The following PHLDB2 variants were observed in gnomAD, a reference collection of about 807,000 sequenced individuals.
The protein encoded by PHLDB2 is pleckstrin homology-like domain family B member 2.
In PHLDB2, 71 loss-of-function variants were observed where a neutral mutation model predicts 123.6. That is an observed-to-expected ratio of 0.57 (90% CI 0.47 to 0.70). The LOEUF is 0.70. PHLDB2 is among the 30% of genes least tolerant of loss of function. The pLI is 0.00. For synonymous variants in PHLDB2, 547 were observed against 541.6 expected, an observed-to-expected ratio of 1.01 and a Z score of -0.14; for missense variants, 1,446 against 1,519.5, an observed-to-expected ratio of 0.95 and a Z score of 0.80.
At chr3:111,881,792 A>G (rs1181868421) in intron 1 of PHLDB2, among the ~76,000 whole-genome samples, 1 of 134,846 alleles carries the variant, frequency 7.4e-6, no homozygotes, top group Admixed American at 7.4e-5. Context: ...TTTTTTCAGT[A>G]TTTCTAGGCT....
chr3:111,800,408 T>A (rs1361559496), intron 1 of PHLDB2, among the ~76,000 whole-genome samples: 2 of 152,222 alleles, frequency 1.3e-5, no homozygotes, highest in African/African-American at 4.8e-5. Flanking sequence ...ATTTTAAAAT[T>A]ATGGAGAGGT....
chr3:111,795,536 A>G (rs866072652), intron 1 of PHLDB2, among the ~76,000 whole-genome samples: 18 of 152,152 alleles, frequency 1.2e-4, no homozygotes, highest in African/African-American at 4.3e-4. Flanking sequence ...TCCCTACAAT[A>G]TTTATTTGAA....
intron 1 of PHLDB2, among the ~76,000 whole-genome samples, chr3:111,772,366 G>T (rs2060193576): frequency 6.6e-6 from 1 of 152,032 alleles, no homozygotes. Context: ...TTAACAGAAA[G>T]ATTTTTAAAG....
chr3:111,823,369 A>G (rs1057492301), intron 1 of PHLDB2, among the ~76,000 whole-genome samples: 16 of 152,374 alleles, frequency 1.1e-4, no homozygotes, highest in African/African-American at 3.8e-4. Context: ...CAATGAATTC[A>G]ACTTAGAAGT....
intron 1 of PHLDB2, among the ~76,000 whole-genome samples, chr3:111,838,334 G>A (rs760008068): frequency 1.4e-4 from 21 of 152,008 alleles, no homozygotes; most frequent in Non-Finnish European, 2.4e-4. Flanking sequence ...TCCTCAGTAC[G>A]CTCTTGCCTC....
chr3:111,922,515 C>A (rs570985093), intron 5 of PHLDB2, among the ~76,000 whole-genome samples: 1 of 152,224 alleles, frequency 6.6e-6, no homozygotes, highest in Non-Finnish European at 1.5e-5. Flanking sequence ...GCTCATACAG[C>A]TATGAGGGAA....
At chr3:111,923,841 T>G (rs2068662430) in intron 5 of PHLDB2, among the ~76,000 whole-genome samples, 1 of 152,228 alleles carries the variant, frequency 6.6e-6, no homozygotes, top group Non-Finnish European at 1.5e-5. Context: ...TATGAAAATC[T>G]CTTATTTAGT....
At chr3:111,830,307 G>A (rs1455039959) in intron 1 of PHLDB2, among the ~76,000 whole-genome samples, 1 of 152,062 alleles carries the variant, frequency 6.6e-6, no homozygotes, top group Admixed American at 6.6e-5. Context: ...GGGAAACTGA[G>A]GCTGGTATTT....
chr3:111,829,745 A>G (rs1402980726), intron 1 of PHLDB2, among the ~76,000 whole-genome samples: 4 of 152,072 alleles, frequency 2.6e-5, no homozygotes, highest in African/African-American at 9.7e-5. Flanking sequence ...TATAGGCATG[A>G]GCCACCGCGC....
intron 2 of PHLDB2, among the ~76,000 whole-genome samples, chr3:111,894,846 T>C (rs889756128): frequency 6.6e-6 from 1 of 152,160 alleles, no homozygotes; most frequent in African/African-American, 2.4e-5. Context: ...CTGGGTAATA[T>C]AAAGAAAAAT....
Position 111,913,680 on chromosome 3 carries a change from CTTATCTAAGTATCCTACCA to C in PHLDB2, c.1698_1716del (p.Tyr567ArgfsTer6). 1 of 1,613,070 alleles carries C rather than the reference CTTATCTAAGTATCCTACCA, an allele frequency of 6.2e-7. No homozygotes were observed. The highest frequency in any genetic ancestry group is 8.5e-7 in the Non-Finnish European group (1 of 1,179,168). Reference sequence around the variant, plus strand: ...TTTCCGAAAGCTTCCAGCGAGTCCTCTTATCTAAGTATCCTACCAAAGGTAATGTTGGCCCAGCAAAGAT... The same window carrying C: ...TTTCCGAAAGCTTCCAGCGAGTCCTCAAGGTAATGTTGGCCCAGCAAAGAT... On this transcript the variant is annotated frameshift_variant, in exon 3 of 18. Transcript: ENST00000431670. LOFTEE classifies it high-confidence loss of function.
At chr3:111,733,639 T>C (rs1376042624) in intron 1 of PHLDB2, among the ~76,000 whole-genome samples, 2 of 152,234 alleles carry the variant, frequency 1.3e-5, no homozygotes, top group African/African-American at 4.8e-5. Context: ...ATGATAACTA[T>C]GAAACAAGTT....
At position 111,777,232 on chromosome 3, in the gene PHLDB2, A is replaced by C. The variant is rs559694935; in HGVS notation, c.-49+44529A>C. ...ATATTTTTTTCTCTCAAAATGTCAAAACAGATTACTAGTTTTTACTAATGA... is the reference window on the plus strand; with the variant it reads ...ATATTTTTTTCTCTCAAAATGTCAACACAGATTACTAGTTTTTACTAATGA... On this transcript the variant is annotated intron_variant, in intron 1 of 17. Coordinates refer to the PHLDB2 transcript ENST00000393923. 4.6e-5 allele frequency among the ~76,000 whole-genome samples: 7 copies of C among 152,276 alleles called. No homozygotes were observed. In the South Asian group the frequency reaches 1.4e-3, roughly 32 times the overall value.
chr3:111,889,876 C>T (rs1449467365), intron 2 of PHLDB2, among the ~76,000 whole-genome samples: 2 of 152,070 alleles, frequency 1.3e-5, no homozygotes, highest in African/African-American at 4.8e-5. Context: ...TAGAAAAATA[C>T]TTCACCTACA....
At chr3:111,744,914 T>A (rs953463670) in intron 1 of PHLDB2, among the ~76,000 whole-genome samples, 4 of 152,240 alleles carry the variant, frequency 2.6e-5, no homozygotes, top group Non-Finnish European at 5.9e-5. Flanking sequence ...GATTCAATCC[T>A]GCTATGTGAG....
intron 1 of PHLDB2, among the ~76,000 whole-genome samples, chr3:111,732,951 T>A (rs1232968159): frequency 8.5e-5 from 13 of 152,332 alleles, no homozygotes; most frequent in Admixed American, 2.6e-4. Flanking sequence ...GAAGGTTTTT[T>A]AAAAATTTTT....
Position 111,811,652 on chromosome 3 carries a change from A to C in PHLDB2, c.-48-34169A>C, listed in dbSNP as rs138770435. On this transcript the variant is annotated intron_variant, in intron 1 of 17. Transcript: ENST00000393923. ...TCAATAGATTCCTCACTACACACAC[A>C]CATACACACACACGAAAAAATGAAA... Among the ~76,000 whole-genome samples, 1,515 of 152,260 alleles carry C rather than the reference A, an allele frequency of 1.0e-2. 13 individuals carry two copies. The highest frequency in any genetic ancestry group is 0.029 in the South Asian group (139 of 4,826).
intron 3 of PHLDB2, chr3:111,916,277 A>G (rs540008884): frequency 6.6e-6 from 1 of 152,364 alleles, no homozygotes; most frequent in East Asian, 1.9e-4. Context: ...AGGTTACCAG[A>G]CAGCAGTGTA....
At chr3:111,928,083 G>A (rs942104038) in intron 5 of PHLDB2, among the ~76,000 whole-genome samples, 2 of 152,158 alleles carry the variant, frequency 1.3e-5, no homozygotes, top group Admixed American at 6.6e-5. Flanking sequence ...ATGGTTAGAC[G>A]ATAAATATTT....
Sources: allele counts gnomAD v4.1 joint callset (sites outside exome capture counted in the v4.1 genomes callset), GRCh38; gene constraint gnomAD v4.1.1; transcripts MANE v1.5; gene names NCBI Gene and HGNC (gene_info 2026-07-23, HGNC 2026-07-21).